DNAH6: variants seen among roughly 807,000 people sequenced by gnomAD.
The protein encoded by DNAH6 is axonemal beta dynein heavy chain 6.
Under a neutral mutation model 491.4 loss-of-function variants are expected in DNAH6, and 340 were observed. That is an observed-to-expected ratio of 0.69 (90% confidence interval 0.63 to 0.76). The LOEUF (loss-of-function observed/expected upper bound fraction) is 0.76. Among genes scored for constraint, DNAH6 ranks in the 30% least tolerant of loss-of-function variants. The pLI is 0.00. For synonymous variants in DNAH6, 1,603 were observed against 1,686.1 expected (o/e 0.95, Z 1.21); for missense variants, 4,443 against 4,972.2 (o/e 0.89, Z 3.20).
At chr2:84,746,525 A>G (rs1672994036) in intron 63 of DNAH6, among the ~76,000 whole-genome samples, 1 of 152,190 alleles carries the variant, frequency 6.6e-6, no homozygotes, top group Non-Finnish European at 1.5e-5. Flanking sequence ...TTTTATTGTT[A>G]ATAAGGGTAT....
At chr2:84,549,589 G>A (rs895583563) in intron 8 of DNAH6, among the ~76,000 whole-genome samples, 1 of 152,046 alleles carries the variant, frequency 6.6e-6, no homozygotes, top group Non-Finnish European at 1.5e-5. Flanking sequence ...GGCCCTTTTA[G>A]CTAGATAAAC....
chr2:84,808,131 A>ATATGTGTGTGTGTG (rs369348036), intron 71 of DNAH6, among the ~76,000 whole-genome samples: 4 of 141,150 alleles, frequency 2.8e-5, no homozygotes, highest in African/African-American at 1.1e-4. Flanking sequence ...GTGTATATAT[A>ATATGTGTGTGTGTG]TGTGTGTGTG....
chr2:84,494,538 A>G, the DNAH6 span, among the ~76,000 whole-genome samples: 1 of 152,238 alleles, frequency 6.6e-6, no homozygotes, highest in African/African-American at 2.4e-5. Flanking sequence ...CTGGAAGGTT[A>G]GGAGGGAGAG....
intron 63 of DNAH6, among the ~76,000 whole-genome samples, chr2:84,754,100 G>A (rs1039230587): frequency 5.3e-5 from 8 of 152,038 alleles, no homozygotes; most frequent in Non-Finnish European, 1.5e-5. Flanking sequence ...GGGATTACAG[G>A]TGTGAGCCAC....
At chr2:84,673,331 G>A (rs1043008309) in intron 40 of DNAH6, among the ~76,000 whole-genome samples, 1 of 152,146 alleles carries the variant, frequency 6.6e-6, no homozygotes, top group Non-Finnish European at 1.5e-5. Flanking sequence ...GAAATGTTAT[G>A]GAAAGATCCC....
chr2:84,489,259 C>A, the DNAH6 span, among the ~76,000 whole-genome samples: 3,581 of 152,076 alleles, frequency 0.024, 57 homozygotes, highest in Middle Eastern at 0.088. Flanking sequence ...AATTCCCATT[C>A]CCACTAGAAA....
intron 37 of DNAH6, among the ~76,000 whole-genome samples, chr2:84,660,483 G>A (rs577225763): frequency 7.6e-4 from 115 of 152,124 alleles, no homozygotes; most frequent in Non-Finnish European, 1.0e-3. Context: ...AAGGAATAAT[G>A]GATAAAGTTA....
In DNAH6 at chr2:84,517,960, A is replaced by G. The variant is rs1675753419; in HGVS notation, c.134A>G (p.Glu45Gly). 6.4e-7 allele frequency: 1 copy of G among 1,552,032 alleles called. No individual in the cohort carries two copies. The highest frequency in any genetic ancestry group is 1.4e-5 in the African/African-American group (1 of 73,164). ...RVSYVTSTEN[E>G]SDTQILTFRH... ...AGTTATGTGACATCCACAGAAAATG[A>G]ATCTGATACACAAATCCTAACGTTT... Residue 45 changes from glutamate (E) to glycine (G), a missense_variant, in exon 2 of 77, where the codon GAA (glutamate) becomes GGA (glycine). Around this residue, in one of 3 missense-constraint regions of DNAH6, gnomAD observed 2,977 missense variants for 3,296.6 expected, o/e 0.90. Transcript: ENST00000389394.
At chr2:84,800,132 T>G (rs563184204) in intron 70 of DNAH6, among the ~76,000 whole-genome samples, 8 of 152,178 alleles carry the variant, frequency 5.3e-5, no homozygotes, top group Non-Finnish European at 8.8e-5. Flanking sequence ...AACCTCTATG[T>G]AACCAAAGAA....
At chr2:84,494,895 C>T in the DNAH6 span, among the ~76,000 whole-genome samples, 276 of 152,262 alleles carry the variant, frequency 1.8e-3, no homozygotes, top group African/African-American at 6.5e-3. Flanking sequence ...AGGTCTGGAG[C>T]AGGATCTGAG....
chr2:84,621,508 A>G lies in DNAH6; in HGVS notation c.4028A>G (p.Asn1343Ser). The G allele has an allele frequency of 6.5e-7, 1 of 1,532,862 alleles. No individual in the cohort carries two copies. The highest frequency in any genetic ancestry group is 8.8e-7 in the Non-Finnish European group (1 of 1,131,526). 95.0% of individuals were successfully genotyped at this position (1,532,862 alleles called of 1,614,324 possible). The change falls in exon 26 of 77, where the codon AAT becomes AGT. Residue 1343 changes from asparagine (N) to serine (S), a missense_variant. By Grantham distance (46) the Asn-to-Ser change is conservative (BLOSUM62 1). Coordinates refer to ENST00000389394, the MANE Select transcript of DNAH6 (RefSeq NM_001370.2). ...GAATGTCTGGAAACAGAACACAGTA[A>G]TCATATACAGGCCCTGAAGAATTTT... ...LTECLETEHSNHIQALKNFEK... is the reference protein window; with the variant it reads ...LTECLETEHSSHIQALKNFEK...
rs1448515758 is a variant in DNAH6 at position 84,621,560 on chromosome 2, T to C, written c.4071+9T>C. The C allele has an allele frequency of 2.0e-6, 3 of 1,467,652 alleles. No homozygotes were observed. Among genetic ancestry groups the C allele is most frequent in the African/African-American group, 2.8e-5 (2 of 71,232 alleles). 90.9% of individuals were successfully genotyped at this position (1,467,652 alleles called of 1,614,324 possible). On this transcript the variant is annotated intron_variant, in intron 26 of 76. Transcript: ENST00000389394. The stretch of plus-strand genomic sequence containing the variant: ...AAAAAGTAAATTTTGAGGTGAGATC[T>C]GTAACAAAGTGACATTGTTGTCCTG...
At position 84,640,542 on chromosome 2, in the gene DNAH6, G is replaced by A. The variant is rs771287098; in HGVS notation, c.4934G>A (p.Gly1645Asp). The change falls in exon 32 of 77, where the codon GGC becomes GAC. Residue 1645 changes from glycine (G) to aspartate (D), a missense_variant. Gly to Asp is a moderately conservative substitution (Grantham distance 94, BLOSUM62 -1). This residue lies in a region of DNAH6 where 2,977 missense variants were observed against 3,296.6 expected (regional missense o/e 0.90). Transcript: ENST00000389394. ...TCTCAGCAGGATCACTACGACTTTG[G>A]CATGAGAGCTGTGAAGTCTGTCCTG... ...QLSQQDHYDF[G>D]MRAVKSVLVM... 70 of 1,550,780 alleles carry A rather than the reference G, an allele frequency of 4.5e-5. No individual in the cohort carries two copies. Among genetic ancestry groups the A allele is most frequent in the Non-Finnish European group, 5.3e-5 (61 of 1,146,564 alleles).
chr2:84,786,424 CAAAAAAA>C (rs34307388), intron 67 of DNAH6, among the ~76,000 whole-genome samples: 8 of 88,792 alleles, frequency 9.0e-5, no homozygotes, highest in East Asian at 8.4e-4. Context: ...GACTCTGTCT[CAAAAAAA>C]AAAAAAAAAA....
chr2:84,726,170 G>C (rs1235256366), intron 60 of DNAH6, among the ~76,000 whole-genome samples: 1 of 152,194 alleles, frequency 6.6e-6, no homozygotes. Flanking sequence ...AGTGGAGGAT[G>C]CTTCTTGACC....
chr2:84,620,993 C>T (rs952582052), intron 24 of DNAH6, among the ~76,000 whole-genome samples, 198 bp from the exon 25 acceptor site: 2 of 152,048 alleles, frequency 1.3e-5, no homozygotes, highest in African/African-American at 4.8e-5. Flanking sequence ...GGAGTTGACT[C>T]CAAGTGGAAG....
the DNAH6 span, among the ~76,000 whole-genome samples, chr2:84,479,636 T>C: frequency 6.6e-6 from 1 of 152,076 alleles, no homozygotes; most frequent in Non-Finnish European, 1.5e-5. Context: ...TGTAACCCAC[T>C]CCGTACCCAC....
chr2:84,556,876 T>C (rs1177703895), intron 10 of DNAH6, among the ~76,000 whole-genome samples: 1 of 152,228 alleles, frequency 6.6e-6, no homozygotes, highest in Non-Finnish European at 1.5e-5. Context: ...AAATGATTTT[T>C]GGGAGATGCC....
intron 68 of DNAH6, among the ~76,000 whole-genome samples, chr2:84,793,654 A>G (rs139894826): frequency 6.6e-6 from 1 of 152,212 alleles, no homozygotes; most frequent in East Asian, 1.9e-4. Flanking sequence ...TCGCTAAAGA[A>G]TACTCCTAGG....
Sources: allele counts gnomAD v4.1 joint callset (sites outside exome capture counted in the v4.1 genomes callset), GRCh38; gene constraint gnomAD v4.1.1; regional missense constraint gnomAD v4.1.1; transcripts MANE v1.5; gene names NCBI Gene and HGNC (gene_info 2026-07-23, HGNC 2026-07-21).